The following LLGL2 variants were observed in gnomAD, a reference collection of about 807,000 sequenced individuals.
The protein encoded by LLGL2 is LLGL2, scribble cell polarity complex component.
Under a neutral mutation model 123.2 loss-of-function variants are expected in LLGL2, and 81 were observed. That is an observed-to-expected ratio of 0.66 (90% CI 0.55 to 0.79). The LOEUF (loss-of-function observed/expected upper bound fraction) is 0.79, where lower values mean the gene tolerates loss of function less well. Ranked by LOEUF, LLGL2 falls within the 30% of genes least tolerant of loss-of-function variation. LLGL2 has a pLI of 0.00. For synonymous variants in LLGL2, 577 were observed against 594.1 expected (o/e 0.97, Z 0.42); for missense variants, 1,273 against 1,414.6 (o/e 0.90, Z 1.61).
At chr17:75,543,549 C>T (rs1048110931) in intron 2 of LLGL2, 48 bp downstream of exon 2, 13 of 1,541,600 alleles carry the variant, frequency 8.4e-6, no homozygotes, top group Non-Finnish European at 1.2e-5. Context: ...TTCGGCCAAG[C>T]AGCTCAGGCT....
At chr17:75,555,355 C>T (rs938820024) in intron 2 of LLGL2, among the ~76,000 whole-genome samples, 1 of 149,320 alleles carries the variant, frequency 6.7e-6, no homozygotes, top group East Asian at 2.0e-4. Context: ...CTGCCGGGTT[C>T]GCACCATTCT....
chr17:75,571,333 C>G, intron 17 of LLGL2: 1 of 586,270 alleles, frequency 1.7e-6, no homozygotes, highest in Non-Finnish European at 3.0e-6. Flanking sequence ...AGAAGCATGG[C>G]CTCAGACCCA....
At position 75,570,040 on chromosome 17, in the gene LLGL2, A is replaced by G. The variant is rs1224348086; in HGVS notation, c.1659A>G (p.Gln553=). The change falls in exon 15 of 26, where the codon CAA becomes CAG. Residue 553 remains glutamine, a synonymous_variant. Coordinates refer to ENST00000392550, the MANE Select transcript of LLGL2 (RefSeq NM_001031803.2). ...EQVEADLLQD[Q]EGYRWKGHER... Reference sequence around the variant, plus strand: ...TGGAGGCCGACCTGCTGCAGGACCAAGAGGGCTACCGCTGGAAGGGGCACG... The same window carrying G: ...TGGAGGCCGACCTGCTGCAGGACCAGGAGGGCTACCGCTGGAAGGGGCACG... 2 of 1,612,588 alleles carry G rather than the reference A, an allele frequency of 1.2e-6. No individual in the cohort carries two copies. Among genetic ancestry groups the G allele is most frequent in the African/African-American group, 2.7e-5 (2 of 74,940 alleles).
intron 23 of LLGL2, 31 bp downstream of exon 23, chr17:75,574,291 AGGAGGGG>A: frequency 2.9e-6 from 1 of 343,266 alleles, no homozygotes; most frequent in Non-Finnish European, 4.9e-6. Flanking sequence ...TGGGGCTGGC[AGGAGGGG>A]TGGGGAAGGG....
intron 10 of LLGL2, 146 bp from the exon 11 acceptor site, chr17:75,568,330 G>A (rs763842811): frequency 1.4e-6 from 2 of 1,443,312 alleles, no homozygotes; most frequent in Non-Finnish European, 1.8e-6. Flanking sequence ...CTGCCCTCCT[G>A]GAGATGGAAA....
At chr17:75,574,333 C>A in intron 23 of LLGL2, 73 bp downstream of exon 23, 1 of 1,524,118 alleles carries the variant, frequency 6.6e-7, no homozygotes, top group South Asian at 1.2e-5. Context: ...GGAGGCTGGG[C>A]AGGCCACTGC....
At chr17:75,560,439 G>A (rs1394106121) in intron 6 of LLGL2, among the ~76,000 whole-genome samples, 2 of 152,096 alleles carry the variant, frequency 1.3e-5, no homozygotes, top group Admixed American at 6.5e-5. Context: ...GGGGGCCCAA[G>A]TGCCCTGAGA....
In LLGL2 at chr17:75,570,970, G is replaced by GGCTGA. The variant is rs2055680697; in HGVS notation, c.2049_2053dup (p.Arg685LeufsTer41). 1 of 1,611,512 alleles carries GGCTGA rather than the reference G, an allele frequency of 6.2e-7. No individual in the cohort carries two copies. Among genetic ancestry groups the GGCTGA allele is most frequent in the Non-Finnish European group, 8.5e-7 (1 of 1,179,164 alleles). On this transcript the variant is annotated frameshift_variant, in exon 17 of 26. Transcript: ENST00000392550. LOFTEE classifies it high-confidence loss of function. ...TGCAGGCACAGGAGGGGAGTGCCAA[G>GGCTGA]GCTGAGCGGCCAGGCCTCCAGAACA...
In LLGL2 at chr17:75,558,344, C is replaced by A; in HGVS notation, c.255+108C>A. The A allele has an allele frequency of 7.9e-7, 1 of 1,258,432 alleles. No homozygotes were observed. The highest frequency in any genetic ancestry group is 1.1e-6 in the Non-Finnish European group (1 of 898,052). The allele number at this position is 1,258,432 out of a possible 1,614,324, so 78.0% of individuals were successfully genotyped here. A position where few individuals can be genotyped will look rare whatever the true frequency, so the allele number is the denominator to read the frequency against. ...CTGGCATTCGGTGGCCCTGGGTTTG[C>A]TGCTGATGGAAAGACCTGGGACCCC... On this transcript the variant is annotated intron_variant, in intron 4 of 25. Coordinates refer to ENST00000392550, the MANE Select transcript of LLGL2 (RefSeq NM_001031803.2). This position sits in a 1 kb window ranked among gnomAD's most constrained non-coding sequence, Gnocchi z 4.0.
Position 75,570,392 on chromosome 17 carries a change from T to C in LLGL2, c.1919T>C (p.Leu640Pro). The change falls in exon 16 of 26, where the codon CTC (leucine) becomes CCC (proline). Residue 640 changes from leucine to proline, a missense_variant. By Grantham distance (98) the Leu-to-Pro change is moderately conservative. Transcript: ENST00000392550. ...PSDQLALEGP[L>P]SRVKSLKKSL... is the part of the protein sequence containing the mutation. ...GACCAGCTGGCCTTGGAGGGCCCAC[T>C]CTCCCGCGTCAAGTCCCTCAAGAAG... 1 of 1,610,982 alleles carries C rather than the reference T, an allele frequency of 6.2e-7. No individual in the cohort carries two copies. Among genetic ancestry groups the C allele is most frequent in the Non-Finnish European group, 8.5e-7 (1 of 1,179,166 alleles).
rs2055355397 is a variant in LLGL2, at chr17:75,564,396, TACGGGGACCGCC to T, written c.928_939del (p.Gly310_His313del). ...CCAGGGTGGCATGCCACGGGCCAGC[TACGGGGACCGCC>T]ACTGCATCTCAGTGATCCACGATGG... On this transcript the variant is annotated inframe_deletion, in exon 10 of 26. Coordinates refer to ENST00000392550, the MANE Select transcript of LLGL2 (RefSeq NM_001031803.2). The surrounding 1 kb of genome is among the most constrained non-coding windows in gnomAD (Gnocchi z 4.9). The T allele has an allele frequency of 6.2e-7, 1 of 1,612,834 alleles. No homozygotes were observed. The highest frequency in any genetic ancestry group is 8.5e-7 in the Non-Finnish European group (1 of 1,179,952).
chr17:75,569,179 C>T (rs1461300387), intron 13 of LLGL2, 42 bp from the exon 14 acceptor site: 1 of 1,612,474 alleles, frequency 6.2e-7, no homozygotes, highest in Non-Finnish European at 8.5e-7. Flanking sequence ...CCAGCTGGGT[C>T]CTGTCCCCGT....
chr17:75,563,078 C>T lies in LLGL2; in HGVS notation c.593C>T (p.Pro198Leu). 1.9e-6 allele frequency: 3 copies of T among 1,613,262 alleles called. No homozygotes were observed. The highest frequency in any genetic ancestry group is 2.5e-6 in the Non-Finnish European group (3 of 1,180,030). ...ATGGTGGAGGCACTGCAGGAGCACC[C>T]TCGAGACCCCAACCAGATCCTGATC... ...FEMVEALQEH[P>L]RDPNQILIGY... is the part of the protein sequence containing the mutation. The change falls in exon 7 of 26, where the codon CCT becomes CTT. Residue 198 changes from proline to leucine, a missense_variant. By Grantham distance (98) the Pro-to-Leu change is moderately conservative. Coordinates refer to ENST00000392550, the MANE Select transcript of LLGL2 (RefSeq NM_001031803.2).
Position 75,559,821 on chromosome 17 carries a change from G to A in LLGL2, c.530+411G>A, listed in dbSNP as rs144804870. Among the ~76,000 whole-genome samples the A allele has an allele frequency of 8.0e-4, 122 of 152,280 alleles. 1 individual carries two copies. In the East Asian group the frequency reaches 0.017, roughly 21 times the overall value. On this transcript the variant is annotated intron_variant, in intron 6 of 25. Coordinates refer to ENST00000392550, the MANE Select transcript of LLGL2 (RefSeq NM_001031803.2). The surrounding 1 kb of genome is among the most constrained non-coding windows in gnomAD (Gnocchi z 4.6). ...TACTTTGCTGAGGTTCCATTTGCTC[G>A]CAAGCTCCGTGGCTAAAAAGCCTTG...
Position 75,575,142 on chromosome 17 carries a change from G to A in LLGL2, c.*264G>A, listed in dbSNP as rs778162753. Reference sequence around the variant, plus strand: ...CCCATCCCTTTTTGTAGTGGGCTGGGTTTTAAGTTATAAATGTTAACTGCC... The same window carrying A: ...CCCATCCCTTTTTGTAGTGGGCTGGATTTTAAGTTATAAATGTTAACTGCC... On this transcript the variant is annotated 3_prime_UTR_variant, in exon 26 of 26. Coordinates refer to ENST00000392550, the MANE Select transcript of LLGL2 (RefSeq NM_001031803.2). 1.7e-6 allele frequency: 1 copy of A among 581,206 alleles called. No homozygotes were observed. Among genetic ancestry groups the A allele is most frequent in the Non-Finnish European group, 3.1e-6 (1 of 325,732 alleles). 36.0% of individuals were successfully genotyped at this position (581,206 alleles called of 1,614,324 possible). A position where few individuals can be genotyped will look rare whatever the true frequency, so the allele number is the denominator to read the frequency against.
At chr17:75,562,341 C>A (rs1460616350) in intron 6 of LLGL2, 3 of 153,316 alleles carry the variant, frequency 2.0e-5, no homozygotes, top group African/African-American at 7.2e-5. Context: ...AGCATCCTTG[C>A]AGCCTTCCTG....
chr17:75,545,465 G>T (rs1020813659), intron 2 of LLGL2, among the ~76,000 whole-genome samples: 3 of 152,148 alleles, frequency 2.0e-5, no homozygotes, highest in Admixed American at 2.0e-4. Context: ...AGAGGAGGAA[G>T]GGGAGAGCCC....
intron 2 of LLGL2, among the ~76,000 whole-genome samples, chr17:75,554,380 G>A (rs1415074328): frequency 6.6e-6 from 1 of 151,898 alleles, no homozygotes; most frequent in Non-Finnish European, 1.5e-5. Context: ...GGGAGGCCGA[G>A]GCAGGAGGAT....
intron 2 of LLGL2, among the ~76,000 whole-genome samples, chr17:75,545,107 AC>A (rs1277844933): frequency 6.6e-6 from 1 of 151,796 alleles, no homozygotes; most frequent in Non-Finnish European, 1.5e-5. Flanking sequence ...AGGGCTGAAC[AC>A]CCCCCTACCC....
Sources: allele counts gnomAD v4.1 joint callset (sites outside exome capture counted in the v4.1 genomes callset), GRCh38; gene constraint gnomAD v4.1.1; non-coding constraint Gnocchi (gnomAD v3.1); transcripts MANE v1.5; gene names NCBI Gene and HGNC (gene_info 2026-07-23, HGNC 2026-07-21).